Variants in EFCC1 observed in about 807,000 individuals in gnomAD.
EFCC1 encodes the protein EF-hand and coiled-coil domain-containing protein 1.
EFCC1 carries 50 observed loss-of-function variants against 52.1 expected under a neutral mutation model. The observed-to-expected ratio is 0.96, with a 90% CI of 0.76 to 1.21. The LOEUF (loss-of-function observed/expected upper bound fraction) is 1.21. Among genes scored for constraint, EFCC1 ranks in the 50% most tolerant of loss-of-function variants. The pLI is 0.00. For synonymous variants in EFCC1, 399 were observed against 396.5 expected, an observed-to-expected ratio of 1.01 and a Z score of -0.08; for missense variants, 837 against 867.3, an observed-to-expected ratio of 0.97 and a Z score of 0.44.
chr3:129,015,905 C>T (rs2107896426), intron 2 of EFCC1, among the ~76,000 whole-genome samples: 1 of 152,318 alleles, frequency 6.6e-6, no homozygotes, highest in Admixed American at 6.5e-5. Flanking sequence ...GTGCGAACCT[C>T]CAGGACCTCC....
intron 5 of EFCC1, among the ~76,000 whole-genome samples, chr3:129,034,970 G>A (rs1946337549): frequency 2.0e-5 from 3 of 152,152 alleles, no homozygotes; most frequent in Admixed American, 1.3e-4. Context: ...AAGGGGGGCC[G>A]AGCATCCAGC....
chr3:129,038,707 G>T (rs557885282), intron 6 of EFCC1, 124 bp from the exon 7 acceptor site: 6 of 899,296 alleles, frequency 6.7e-6, no homozygotes, highest in Non-Finnish European at 1.1e-5. Flanking sequence ...CGATGAGGGT[G>T]GGGGAGGAGC....
At chr3:129,017,937 G>A (rs1381647610) in intron 2 of EFCC1, among the ~76,000 whole-genome samples, 1 of 152,188 alleles carries the variant, frequency 6.6e-6, no homozygotes, top group Non-Finnish European at 1.5e-5. Context: ...CCTCAAGGCT[G>A]TACCAGCCAG....
intron 6 of EFCC1, 72 bp from the exon 7 acceptor site, chr3:129,038,759 C>T: frequency 1.3e-6 from 2 of 1,491,772 alleles, no homozygotes; most frequent in Non-Finnish European, 1.9e-6. Context: ...CCGTAGGGGC[C>T]ACCAGTTCCC....
At chr3:129,012,471 A>G (rs920981741) in intron 2 of EFCC1, among the ~76,000 whole-genome samples, 1 of 152,108 alleles carries the variant, frequency 6.6e-6, no homozygotes, top group African/African-American at 2.4e-5. Context: ...CATAGCTGGG[A>G]ACATGGCTGC....
intron 2 of EFCC1, among the ~76,000 whole-genome samples, chr3:129,018,730 C>T (rs1261757374): frequency 6.6e-6 from 1 of 152,192 alleles, no homozygotes; most frequent in Non-Finnish European, 1.5e-5. Flanking sequence ...GCCTTCCTGC[C>T]CTTCAGGCAG....
intron 2 of EFCC1, among the ~76,000 whole-genome samples, chr3:129,009,813 G>T (rs1945238173): frequency 6.6e-6 from 1 of 152,230 alleles, no homozygotes; most frequent in Non-Finnish European, 1.5e-5. Flanking sequence ...GAGCAGGCTT[G>T]TCTGGAGGTC....
In EFCC1 at chr3:129,003,881, G is replaced by T; in HGVS notation, c.784G>T (p.Gly262Cys). 1 of 1,403,788 alleles carries T rather than the reference G, an allele frequency of 7.1e-7. No individual in the cohort carries two copies. The allele number at this position is 1,403,788 out of a possible 1,614,324, so 87.0% of individuals were successfully genotyped here. Residue 262 changes from glycine to cysteine, a missense_variant, in exon 2 of 8, where the codon GGC becomes TGC. Coordinates refer to ENST00000683648, the MANE Select transcript of EFCC1 (RefSeq NM_001377500.1). Reference sequence around the variant, plus strand: ...GGTGCGGGAGCTGCGTCAGGCGCAGGGCGCCCTGGCTGCGGCGGAGGCCCG... The same window carrying T: ...GGTGCGGGAGCTGCGTCAGGCGCAGTGCGCCCTGGCTGCGGCGGAGGCCCG... ...AAVRELRQAQ[G>C]ALAAAEARAG...
chr3:129,030,216 A>G (rs890084105), intron 2 of EFCC1, among the ~76,000 whole-genome samples: 2 of 152,110 alleles, frequency 1.3e-5, no homozygotes, highest in Non-Finnish European at 2.9e-5. Flanking sequence ...AAGTAGCTGA[A>G]ACAATGAAAA....
At chr3:129,004,702 T>G (rs906784892) in intron 2 of EFCC1, among the ~76,000 whole-genome samples, 3 of 152,282 alleles carry the variant, frequency 2.0e-5, no homozygotes, top group Non-Finnish European at 4.4e-5. Flanking sequence ...TGCCAGGCCT[T>G]GAGCTAAGTA....
chr3:129,035,369 G>A (rs1002428630), intron 5 of EFCC1, among the ~76,000 whole-genome samples: 6 of 152,196 alleles, frequency 3.9e-5, no homozygotes, highest in African/African-American at 1.2e-4. Context: ...AGCCCATGCC[G>A]CATCCACGCC....
At chr3:129,017,717 G>A (rs897929008) in intron 2 of EFCC1, among the ~76,000 whole-genome samples, 1 of 149,980 alleles carries the variant, frequency 6.7e-6, no homozygotes, top group African/African-American at 2.5e-5. Flanking sequence ...CATTTCAAGG[G>A]ACTTGTGTGA....
rs557686354 is a variant in EFCC1, at chr3:129,032,911, A to G, written c.1231A>G (p.Thr411Ala). The change falls in exon 4 of 8, where the codon ACG (threonine) becomes GCG (alanine). Residue 411 changes from threonine (T) to alanine (A), a missense_variant. By Grantham distance (58) the Thr-to-Ala change is moderately conservative (BLOSUM62 0). Transcript: ENST00000683648. ...GGAGAGGTGGCAGGAGGAGAAGAAG[A>G]CGCCGGCAGCCGAGGCCAAGACACT... ...EEERWQEEKK[T>A]PAAEAKTLLA... is the part of the protein sequence containing the mutation. The G allele has an allele frequency of 6.4e-7, 1 of 1,550,898 alleles. No homozygotes were observed. The highest frequency in any genetic ancestry group is 8.7e-7 in the Non-Finnish European group (1 of 1,146,834).
chr3:129,013,476 TTTATC>T (rs1945425530), intron 2 of EFCC1, among the ~76,000 whole-genome samples: 1 of 152,216 alleles, frequency 6.6e-6, no homozygotes, highest in African/African-American at 2.4e-5. Context: ...CTTTCTATCC[TTTATC>T]TTGTCTTTCT....
chr3:129,002,155 T>A lies in EFCC1; in HGVS notation c.527T>A (p.Leu176Gln). 2 of 1,471,150 alleles carry A rather than the reference T, an allele frequency of 1.4e-6. No homozygotes were observed. The highest frequency in any genetic ancestry group is 1.8e-6 in the Non-Finnish European group (2 of 1,121,784). The allele number at this position is 1,471,150 out of a possible 1,614,324, so 91.1% of individuals were successfully genotyped here. The change falls in exon 1 of 8, where the codon CTG becomes CAG. Residue 176 changes from leucine (L) to glutamine (Q), a missense_variant. Transcript: ENST00000683648. ...LSEHIETQIRLRRPRRRRRPP... is the reference protein window; with the variant it reads ...LSEHIETQIRQRRPRRRRRPP... The stretch of plus-strand genomic sequence containing the variant: ...GAGCACATCGAGACGCAGATCCGCC[T>A]GCGCCGTCCGCGCCGCCGCCGCCGC...
chr3:129,013,557 G>T (rs1945430436), intron 2 of EFCC1, among the ~76,000 whole-genome samples: 1 of 152,098 alleles, frequency 6.6e-6, no homozygotes, highest in African/African-American at 2.4e-5. Flanking sequence ...TCATCATCAG[G>T]ATTAGCTCCT....
chr3:129,035,688 A>G (rs1362901126), intron 5 of EFCC1, among the ~76,000 whole-genome samples: 1 of 152,216 alleles, frequency 6.6e-6, no homozygotes, highest in Non-Finnish European at 1.5e-5. Flanking sequence ...CAGCTTCTGG[A>G]ACCCTTGCAC....
intron 2 of EFCC1, among the ~76,000 whole-genome samples, chr3:129,004,281 C>T (rs1343806347): frequency 6.6e-6 from 1 of 152,080 alleles, no homozygotes; most frequent in Non-Finnish European, 1.5e-5. Flanking sequence ...AACCATCTGC[C>T]CACCCATCCA....
At chr3:129,006,379 C>T (rs188043706) in intron 2 of EFCC1, among the ~76,000 whole-genome samples, 82 of 152,310 alleles carry the variant, frequency 5.4e-4, no homozygotes, top group Admixed American at 1.6e-3. Context: ...TGCAATGGTG[C>T]GATCTTGGCT....
Sources: gnomAD v4.1 joint callset for allele counts (sites outside exome capture counted in the v4.1 genomes callset) on GRCh38, gnomAD v4.1.1 for gene constraint, MANE v1.5 for transcripts, NCBI Gene and HGNC (gene_info 2026-07-23, HGNC 2026-07-21) for gene names.